The following CCDC144A variants were observed in gnomAD, a reference collection of about 807,000 sequenced individuals.
The protein encoded by CCDC144A is coiled-coil domain-containing protein 144A.
In CCDC144A, 41 loss-of-function variants were observed where a neutral mutation model predicts 143.8. That is an observed-to-expected ratio of 0.29 (90% CI 0.22 to 0.37). CCDC144A has a LOEUF of 0.37. Ranked by LOEUF, CCDC144A falls within the 10% of genes least tolerant of loss-of-function variation. The pLI, the probability that CCDC144A is intolerant of heterozygous loss-of-function variation, is 1.00. For missense variants in CCDC144A, 637 were observed against 1,488.8 expected (o/e 0.43, Z 9.41); for synonymous variants, 242 against 517.9 (o/e 0.47, Z 7.23).
upstream of CCDC144A, among the ~76,000 whole-genome samples, chr17:16,687,944 C>A (rs920335555): frequency 1.3e-5 from 2 of 151,178 alleles, no homozygotes; most frequent in African/African-American, 4.9e-5. Flanking sequence ...GTAGTTGATA[C>A]ATCTGTGGCC....
In CCDC144A at chr17:16,777,273, A is replaced by G. The variant is rs1916031494; in HGVS notation, c.*3640A>G. On this transcript the variant is annotated 3_prime_UTR_variant, in exon 17 of 17. Transcript: ENST00000399273. ...CAACACAATAATAGTGGGGGATGTT[A>G]ATACTCCGCTGGCAGCACTAGGCAG... 1 of 149,720 alleles carries G rather than the reference A, an allele frequency of 6.7e-6. No individual in the cohort carries two copies. The highest frequency in any genetic ancestry group is 6.7e-5 in the Admixed American group (1 of 14,996). The allele number at this position is 149,720 out of a possible 1,614,324, so 9.3% of individuals were successfully genotyped here.
the CCDC144A span, among the ~76,000 whole-genome samples, chr17:16,669,177 C>T: frequency 6.6e-6 from 1 of 152,170 alleles, no homozygotes; most frequent in Non-Finnish European, 1.5e-5. Context: ...GCTTCCTATA[C>T]TATATATATC....
intron 11 of CCDC144A, among the ~76,000 whole-genome samples, chr17:16,734,281 C>T (rs558685026): frequency 3.0e-4 from 46 of 151,780 alleles, no homozygotes; most frequent in African/African-American, 1.1e-3. Context: ...ACTTAAAGAA[C>T]GTTGGAACAT....
chr17:16,746,831 G>T, intron 12 of CCDC144A: 1 of 1,023,590 alleles, frequency 9.8e-7, no homozygotes, highest in Non-Finnish European at 1.5e-6. Flanking sequence ...ACCGCGTACC[G>T]CGCTGGGAGG....
rs955957210 is a variant in CCDC144A, at chr17:16,726,394, A to G, written c.1892-1133A>G. Among the ~76,000 whole-genome samples the G allele has an allele frequency of 2.1e-3, 303 of 146,030 alleles. 8 individuals are homozygous for G. Among genetic ancestry groups the G allele is most frequent in the African/African-American group, 7.1e-3 (261 of 36,640 alleles). On this transcript the variant is annotated intron_variant, in intron 8 of 16. Transcript: ENST00000399273. The stretch of plus-strand genomic sequence containing the variant: ...AGACTCCGTCTCAAAAAAAAAAAAA[A>G]AGAGAGATAAAAAAAAAAGAAAAAT...
chr17:16,722,228 T>G (rs73978625), intron 8 of CCDC144A, among the ~76,000 whole-genome samples: 5,458 of 152,240 alleles, frequency 0.036, 209 homozygotes, highest in South Asian at 0.13. Context: ...TTTAATGTGG[T>G]GAATACTTAT....
intron 12 of CCDC144A, among the ~76,000 whole-genome samples, chr17:16,753,815 C>A (rs573215089): frequency 4.1e-4 from 62 of 152,108 alleles, no homozygotes; most frequent in Non-Finnish European, 1.2e-4. Context: ...ATGTAGTTTT[C>A]TTTTGTTGTT....
chr17:16,726,074 T>C (rs1204684434), intron 8 of CCDC144A, among the ~76,000 whole-genome samples: 1 of 152,076 alleles, frequency 6.6e-6, no homozygotes, highest in Non-Finnish European at 1.5e-5. Flanking sequence ...ACAAGTGTAG[T>C]TTGCTTTAAA....
chr17:16,684,833 C>T (rs1649014111), upstream of CCDC144A, among the ~76,000 whole-genome samples: 1 of 151,902 alleles, frequency 6.6e-6, no homozygotes, highest in African/African-American at 2.4e-5. Flanking sequence ...TGTAGTGGTG[C>T]ATGCCTGTAG....
At chr17:16,746,542 T>C in intron 12 of CCDC144A, 8 of 1,613,768 alleles carry the variant, frequency 5.0e-6, no homozygotes, top group Non-Finnish European at 6.8e-6. Flanking sequence ...TCTTATATTC[T>C]GGATCTTTGC....
chr17:16,745,912 C>A (rs1914479349), intron 12 of CCDC144A: 2 of 1,601,590 alleles, frequency 1.2e-6, no homozygotes, highest in Middle Eastern at 4.0e-4. Flanking sequence ...CTCTGCTCAT[C>A]CTCACTCCTT....
the CCDC144A span, among the ~76,000 whole-genome samples, chr17:16,669,453 C>T: frequency 6.6e-6 from 1 of 152,204 alleles, no homozygotes; most frequent in Admixed American, 6.5e-5. Context: ...TGTCTAACGG[C>T]AAGTCTGAGC....
intron 8 of CCDC144A, among the ~76,000 whole-genome samples, chr17:16,721,816 A>G (rs988113706): frequency 6.6e-6 from 1 of 152,050 alleles, no homozygotes; most frequent in Non-Finnish European, 1.5e-5. Flanking sequence ...CATTCCATTA[A>G]AACTTTATTT....
chr17:16,761,097 G>A (rs1416993095), intron 12 of CCDC144A, among the ~76,000 whole-genome samples: 5 of 151,266 alleles, frequency 3.3e-5, no homozygotes, highest in Admixed American at 3.3e-4. Flanking sequence ...GGAGGCCGAG[G>A]CGAGTGGATC....
chr17:16,721,847 C>T (rs1228199396), intron 8 of CCDC144A, among the ~76,000 whole-genome samples: 1 of 152,150 alleles, frequency 6.6e-6, no homozygotes, highest in Non-Finnish European at 1.5e-5. Context: ...GAAGCTGCCC[C>T]GCAGGTTGGA....
At chr17:16,770,308 C>T (rs1443465561) in intron 15 of CCDC144A, among the ~76,000 whole-genome samples, 6 of 152,080 alleles carry the variant, frequency 3.9e-5, no homozygotes, top group Non-Finnish European at 8.8e-5. Context: ...CACCACCATG[C>T]CCGGCTAATT....
chr17:16,752,746 A>T (rs2143325838), intron 12 of CCDC144A, among the ~76,000 whole-genome samples: 1 of 89,184 alleles, frequency 1.1e-5, no homozygotes, highest in Admixed American at 1.3e-4. Context: ...CACAGACCAG[A>T]TATGCTGCAG....
At chr17:16,708,216 G>A (rs1912168588) in intron 4 of CCDC144A, among the ~76,000 whole-genome samples, 1 of 152,102 alleles carries the variant, frequency 6.6e-6, no homozygotes, top group Non-Finnish European at 1.5e-5. Flanking sequence ...GAAGAAGATA[G>A]TCTAGATATA....
intron 8 of CCDC144A, among the ~76,000 whole-genome samples, chr17:16,722,462 C>T (rs1913148250): frequency 6.6e-6 from 1 of 152,056 alleles, no homozygotes; most frequent in South Asian, 2.1e-4. Flanking sequence ...CCACAATTAT[C>T]AATATCCTCA....
Sources: gnomAD v4.1 joint callset for allele counts (sites outside exome capture counted in the v4.1 genomes callset) on GRCh38, gnomAD v4.1.1 for gene constraint, MANE v1.5 for transcripts, NCBI Gene and HGNC (gene_info 2026-07-23, HGNC 2026-07-21) for gene names.